NARF: variants seen among roughly 807,000 people sequenced by gnomAD.
NARF encodes iron-only hydrogenase-like protein 2.
Under a neutral mutation model 48.0 loss-of-function variants are expected in NARF, and 41 were observed. The observed-to-expected ratio is 0.85, with a 90% CI of 0.66 to 1.11. The LOEUF (loss-of-function observed/expected upper bound fraction) is 1.11. NARF is among the 50% of genes least tolerant of loss of function. The pLI is 0.00. For synonymous variants in NARF, 215 were observed against 225.5 expected, an observed-to-expected ratio of 0.95 and a Z score of 0.42; for missense variants, 613 against 590.2, an observed-to-expected ratio of 1.04 and a Z score of -0.40.
rs1159417585 is a variant in NARF, at chr17:82,472,671, C to G, written c.493C>G (p.Leu165Val). The part of the protein sequence containing the change: ...YRQHSEEERT[L>V]PMLTSACPGW... ...CCAGCACAGTGAGGAGGAACGCACC[C>G]TGCCCATGCTGACCTCTGCCTGTCC... is the stretch of plus-strand genomic sequence containing the variant. Residue 165 changes from leucine to valine, a missense_variant, in exon 5 of 11, where the codon CTG becomes GTG. Physicochemically the swap from Leu to Val is conservative, Grantham distance 32. Transcript: ENST00000309794. 6.2e-7 allele frequency: 1 copy of G among 1,613,760 alleles called. No individual in the cohort carries two copies.
At position 82,472,638 on chromosome 17, in the gene NARF, C is replaced by A. The variant is rs199559349; in HGVS notation, c.460C>A (p.Arg154Ser). 6.2e-7 allele frequency: 1 copy of A among 1,614,028 alleles called. No homozygotes were observed. Among genetic ancestry groups the A allele is most frequent in the East Asian group, 2.2e-5 (1 of 44,862 alleles). The change falls in exon 5 of 11, where the codon CGC becomes AGC. Residue 154 changes from arginine (R) to serine (S), a missense_variant. Physicochemically the swap from Arg to Ser is moderately radical, Grantham distance 110. Transcript: ENST00000309794. The stretch of plus-strand genomic sequence containing the variant: ...GGAGAGTCAAAAAGAATTCGTGCGT[C>A]GCTATCGCCAGCACAGTGAGGAGGA... Reference protein sequence around the residue: ...ILESQKEFVRRYRQHSEEERT... With the variant: ...ILESQKEFVRSYRQHSEEERT...
At chr17:82,471,478 A>G (rs1367112303) in intron 4 of NARF, among the ~76,000 whole-genome samples, 1 of 147,692 alleles carries the variant, frequency 6.8e-6, no homozygotes, top group Non-Finnish European at 1.5e-5. Flanking sequence ...AAAATTCAGT[A>G]TAAAAATTTA....
chr17:82,479,024 C>G (rs1028643363), intron 6 of NARF, 106 bp downstream of exon 6: 1 of 1,011,122 alleles, frequency 9.9e-7, no homozygotes, highest in Non-Finnish European at 1.4e-6. Flanking sequence ...TCACGGCCCC[C>G]CAGGTGAGCA....
rs1254121596 is a variant in NARF, at chr17:82,464,295, AT to A, written c.119del (p.Phe40SerfsTer11). 1 of 1,613,100 alleles carries A rather than the reference AT, an allele frequency of 6.2e-7. No individual in the cohort carries two copies. Among genetic ancestry groups the A allele is most frequent in the Non-Finnish European group, 8.5e-7 (1 of 1,179,684 alleles). On this transcript the variant is annotated frameshift_variant, in exon 3 of 11. Coordinates refer to ENST00000309794, the MANE Select transcript of NARF (RefSeq NM_012336.4). LOFTEE classifies it high-confidence loss of function. The stretch of plus-strand genomic sequence containing the variant: ...AACGTCATCTTTCATAGAAGGGAGA[AT>A]TCCACAAGTTGGCTGATGCCAAGAT... ...PAQENGEKGE[F>X]HKLADAKIFL...
intron 1 of NARF, 41 bp from the exon 2 acceptor site, chr17:82,459,951 G>A (rs770313123): frequency 6.1e-6 from 9 of 1,469,464 alleles, no homozygotes; most frequent in Non-Finnish European, 6.7e-6. Context: ...TAAGGGAGAC[G>A]AAGTAAAAGT....
upstream of NARF, chr17:82,458,657 T>A: frequency 1.9e-6 from 2 of 1,040,686 alleles, no homozygotes; most frequent in Non-Finnish European, 2.6e-6. Context: ...CCTCTCCCGG[T>A]GCTCTCATTG....
At position 82,481,074 on chromosome 17, in the gene NARF, T is replaced by C; in HGVS notation, c.640-8T>C. On this transcript the variant is annotated splice_region_variant and splice_polypyrimidine_tract_variant and intron_variant, in intron 6 of 10. Coordinates refer to ENST00000309794, the MANE Select transcript of NARF (RefSeq NM_012336.4). Reference sequence around the variant, plus strand: ...CCAGCCCTAAATATGGGTGCCCCTCTCCCACAGAACCTGTCTCCAGAGAAG... The same window carrying C: ...CCAGCCCTAAATATGGGTGCCCCTCCCCCACAGAACCTGTCTCCAGAGAAG... 1.2e-6 allele frequency: 2 copies of C among 1,613,360 alleles called. No individual in the cohort carries two copies. The highest frequency in any genetic ancestry group is 1.7e-6 in the Non-Finnish European group (2 of 1,179,584).
chr17:82,483,413 G>T (rs2044019875), intron 7 of NARF: 1 of 352,988 alleles, frequency 2.8e-6, no homozygotes, highest in Non-Finnish European at 5.4e-6. Flanking sequence ...ATGCAAAGTA[G>T]GCCAAAAAAG....
chr17:82,478,740 C>A, intron 5 of NARF, 60 bp from the exon 6 acceptor site: 1 of 1,494,684 alleles, frequency 6.7e-7, no homozygotes, highest in Non-Finnish European at 9.3e-7. Flanking sequence ...TTCCCTGGTG[C>A]GTTACAGGAA....
Position 82,488,288 on chromosome 17 carries a change from G to A in NARF, c.*131G>A, listed in dbSNP as rs73999959. On this transcript the variant is annotated 3_prime_UTR_variant, in exon 11 of 11. Coordinates refer to ENST00000309794, the MANE Select transcript of NARF (RefSeq NM_012336.4). ...CTCAATGGATTACTTTGGTTTCTCC[G>A]AGTTCCCTGCTACCCCGTTTATTGG... 4.5e-3 allele frequency: 6,286 copies of A among 1,381,698 alleles called. 259 individuals are homozygous for A. The African/African-American group carries it at 0.084, about 18-fold the overall frequency. The allele number at this position is 1,381,698 out of a possible 1,614,324, so 85.6% of individuals were successfully genotyped here.
Position 82,481,845 on chromosome 17 carries a change from C to G in NARF, c.769+634C>G, listed in dbSNP as rs553868651. On this transcript the variant is annotated intron_variant, in intron 7 of 10. Coordinates refer to ENST00000309794, the MANE Select transcript of NARF (RefSeq NM_012336.4). Reference sequence around the variant, plus strand: ...ACTTATCTCTTGGTGGGAAAGTTGTCTATAGCCATAGCGGGTCTCCTAATC... The same window carrying G: ...ACTTATCTCTTGGTGGGAAAGTTGTGTATAGCCATAGCGGGTCTCCTAATC... 9.9e-5 allele frequency: 38 copies of G among 382,856 alleles called. 1 individual carries two copies. The Middle Eastern group carries it at 1.8e-3, about 19-fold the overall frequency. 23.7% of individuals were successfully genotyped at this position (382,856 alleles called of 1,614,324 possible). A position where few individuals can be genotyped will look rare whatever the true frequency, so the allele number is the denominator to read the frequency against.
chr17:82,463,097 G>A (rs2043476847), intron 2 of NARF: 1 of 152,184 alleles, frequency 6.6e-6, no homozygotes, highest in South Asian at 2.1e-4. Flanking sequence ...GGAGGCAGAG[G>A]TGACACCCGA....
rs766524091 is a variant in NARF at position 82,478,669 on chromosome 17, T to TAA, written c.521-130_521-129dup. ...TTTTGGGTCCAGCACGAGCTCCTGG[T>TAA]AAGGCCTGGGGAAAAGGTGTTCTGG... On this transcript the variant is annotated intron_variant, in intron 5 of 10. Coordinates refer to ENST00000309794, the MANE Select transcript of NARF (RefSeq NM_012336.4). 8 of 950,498 alleles carry TAA rather than the reference T, an allele frequency of 8.4e-6. No individual in the cohort carries two copies. The African/African-American group carries it at 1.3e-4, about 15-fold the overall frequency. The allele number at this position is 950,498 out of a possible 1,614,324, so 58.9% of individuals were successfully genotyped here.
intron 4 of NARF, 45 bp from the exon 5 acceptor site, chr17:82,472,519 C>A: frequency 1.3e-6 from 2 of 1,519,070 alleles, no homozygotes; most frequent in Non-Finnish European, 1.8e-6. Flanking sequence ...AAAAGTAGAT[C>A]TTTTAGTACG....
chr17:82,475,784 C>T (rs1165366014), intron 5 of NARF, among the ~76,000 whole-genome samples: 1 of 152,112 alleles, frequency 6.6e-6, no homozygotes, highest in African/African-American at 2.4e-5. Flanking sequence ...GAGGGATCAC[C>T]GTTTCTATAC....
At position 82,478,647 on chromosome 17, in the gene NARF, T is replaced by C. The variant is rs755852780; in HGVS notation, c.521-153T>C. 8.9e-6 allele frequency: 7 copies of C among 790,060 alleles called. No homozygotes were observed. In the Admixed American group the frequency reaches 1.2e-4, roughly 13 times the overall value. 48.9% of individuals were successfully genotyped at this position (790,060 alleles called of 1,614,324 possible). ...CAGCCGGGCCACCGAGGACGGGTTT[T>C]GGGTCCAGCACGAGCTCCTGGTAAG... On this transcript the variant is annotated intron_variant, in intron 5 of 10. Transcript: ENST00000309794.
At chr17:82,483,415 C>T (rs2044019923) in intron 7 of NARF, 1 of 352,210 alleles carries the variant, frequency 2.8e-6, no homozygotes, top group Non-Finnish European at 5.4e-6. Flanking sequence ...GCAAAGTAGG[C>T]CAAAAAAGTT....
chr17:82,458,719 G>A (rs559502861), upstream of NARF: 17 of 1,424,038 alleles, frequency 1.2e-5, no homozygotes, highest in African/African-American at 1.9e-4. Flanking sequence ...ACAACAAAGG[G>A]CCGCGGGCGG....
intron 8 of NARF, 147 bp from the exon 9 acceptor site, chr17:82,484,666 C>G (rs1285504322): frequency 2.0e-6 from 2 of 997,888 alleles, no homozygotes; most frequent in Non-Finnish European, 1.4e-6. Context: ...TAGAATGGGA[C>G]TTTCTGCAAA....
Sources: allele counts gnomAD v4.1 joint callset (sites outside exome capture counted in the v4.1 genomes callset), GRCh38; gene constraint gnomAD v4.1.1; transcripts MANE v1.5; gene names NCBI Gene and HGNC (gene_info 2026-07-23, HGNC 2026-07-21).